CSGALNACT1: variants seen among roughly 807,000 people sequenced by gnomAD.
The protein encoded by CSGALNACT1 is beta4GalNAcT-1.
A neutral mutation model predicts 51.0 loss-of-function variants in CSGALNACT1; 52 were observed. That is an observed-to-expected ratio of 1.02 (90% CI 0.82 to 1.29). The LOEUF (loss-of-function observed/expected upper bound fraction) is 1.29, where lower values mean the gene tolerates loss of function less well. Ranked by LOEUF, CSGALNACT1 falls within the 50% of genes most tolerant of loss-of-function variation. The pLI is 0.00. For synonymous variants in CSGALNACT1, 341 were observed against 254.4 expected, an observed-to-expected ratio of 1.34 and a Z score of -3.24; for missense variants, 935 against 679.2, an observed-to-expected ratio of 1.38 and a Z score of -4.19.
At chr8:19,681,292 A>G (rs1331906251) in intron 1 of CSGALNACT1, among the ~76,000 whole-genome samples, 1 of 152,188 alleles carries the variant, frequency 6.6e-6, no homozygotes, top group Non-Finnish European at 1.5e-5. Flanking sequence ...AAAGGCAGGA[A>G]TTGGATATGT....
At chr8:19,416,555 G>A (rs1231268702) in intron 8 of CSGALNACT1, among the ~76,000 whole-genome samples, 1 of 152,138 alleles carries the variant, frequency 6.6e-6, no homozygotes, top group African/African-American at 2.4e-5. Flanking sequence ...TTCTAGTCCT[G>A]TATTACAAGC....
chr8:19,421,658 C>G (rs1316936829), intron 6 of CSGALNACT1, among the ~76,000 whole-genome samples: 1 of 152,210 alleles, frequency 6.6e-6, no homozygotes, highest in African/African-American at 2.4e-5. Flanking sequence ...TTCCAAGTAC[C>G]CGTCTCGGGT....
intron 3 of CSGALNACT1, among the ~76,000 whole-genome samples, chr8:19,542,533 C>T (rs987963108): frequency 1.4e-4 from 22 of 152,142 alleles, no homozygotes; most frequent in African/African-American, 5.3e-4. Flanking sequence ...TTTCAACCTC[C>T]CAGGTTCTGA....
chr8:19,553,612 T>C (rs1050340328), intron 3 of CSGALNACT1, among the ~76,000 whole-genome samples: 1 of 134,516 alleles, frequency 7.4e-6, no homozygotes, highest in Non-Finnish European at 1.5e-5. Flanking sequence ...CATTTATGTA[T>C]ATAAATACAT....
At chr8:19,657,948 T>TA (rs2058429545) in intron 1 of CSGALNACT1, among the ~76,000 whole-genome samples, 1 of 149,936 alleles carries the variant, frequency 6.7e-6, no homozygotes, top group African/African-American at 2.5e-5. Flanking sequence ...CTTGGTGGTC[T>TA]AACTAGCTGA....
At chr8:19,714,535 C>G (rs929102534) in intron 1 of CSGALNACT1, among the ~76,000 whole-genome samples, 1 of 152,102 alleles carries the variant, frequency 6.6e-6, no homozygotes, top group African/African-American at 2.4e-5. Context: ...AGCTCTGAGG[C>G]GTTTGGTTTT....
intron 2 of CSGALNACT1, among the ~76,000 whole-genome samples, chr8:19,601,009 C>CAT (rs1033272485): frequency 4.5e-4 from 69 of 151,926 alleles, no homozygotes; most frequent in Middle Eastern, 3.4e-3. Flanking sequence ...AGCTTGGAAC[C>CAT]ATATATACAG....
chr8:19,678,188 T>C (rs2060337187), intron 1 of CSGALNACT1, among the ~76,000 whole-genome samples: 1 of 152,216 alleles, frequency 6.6e-6, no homozygotes, highest in African/African-American at 2.4e-5. Flanking sequence ...TCTCAGGGAC[T>C]AATCCCAAGT....
chr8:19,487,340 C>G (rs1003821356), intron 4 of CSGALNACT1, among the ~76,000 whole-genome samples: 4 of 152,156 alleles, frequency 2.6e-5, no homozygotes, highest in African/African-American at 9.7e-5. Flanking sequence ...TCGTCTTTCT[C>G]TTACTGCTGT....
At chr8:19,498,890 G>A (rs778539487) in intron 4 of CSGALNACT1, among the ~76,000 whole-genome samples, 4 of 152,214 alleles carry the variant, frequency 2.6e-5, no homozygotes, top group Non-Finnish European at 2.9e-5. Flanking sequence ...AAGGTGGGAG[G>A]ATCACTTGAG....
intron 8 of CSGALNACT1, among the ~76,000 whole-genome samples, chr8:19,411,955 C>T (rs951325265): frequency 1.2e-4 from 18 of 152,036 alleles, no homozygotes; most frequent in Non-Finnish European, 2.4e-4. Flanking sequence ...CTCAGCCTCC[C>T]GAGTAGCTGG....
chr8:19,492,681 T>G (rs1288233816), intron 4 of CSGALNACT1, among the ~76,000 whole-genome samples: 1 of 152,220 alleles, frequency 6.6e-6, no homozygotes, highest in East Asian at 1.9e-4. Flanking sequence ...CTGGTCTTGC[T>G]GGTCCACGCC....
intron 3 of CSGALNACT1, among the ~76,000 whole-genome samples, chr8:19,576,169 T>C (rs914132829): frequency 1.3e-5 from 2 of 152,020 alleles, no homozygotes; most frequent in Admixed American, 6.6e-5. Context: ...GAGCAGTCAT[T>C]TCTTTGTTGC....
At chr8:19,549,502 T>C (rs534395055) in intron 3 of CSGALNACT1, among the ~76,000 whole-genome samples, 2 of 152,092 alleles carry the variant, frequency 1.3e-5, no homozygotes, top group Non-Finnish European at 2.9e-5. Flanking sequence ...TCTTTTGTTT[T>C]TTTCCTCAGG....
chr8:19,565,360 T>C (rs1005054354), intron 3 of CSGALNACT1, among the ~76,000 whole-genome samples: 2 of 152,186 alleles, frequency 1.3e-5, no homozygotes, highest in African/African-American at 4.8e-5. Context: ...CCAGGCAGTG[T>C]AGCAGGACTG....
At chr8:19,664,115 T>A (rs1275812417) in intron 1 of CSGALNACT1, among the ~76,000 whole-genome samples, 1 of 152,224 alleles carries the variant, frequency 6.6e-6, no homozygotes, top group Non-Finnish European at 1.5e-5. Context: ...AAAGAGTTTA[T>A]TTGCCATTAC....
chr8:19,489,770 A>C (rs1303339748), intron 4 of CSGALNACT1, among the ~76,000 whole-genome samples: 1 of 152,172 alleles, frequency 6.6e-6, no homozygotes, highest in Non-Finnish European at 1.5e-5. Context: ...CCTGTTAAAC[A>C]TAGCTGTGTG....
intron 1 of CSGALNACT1, among the ~76,000 whole-genome samples, chr8:19,634,788 G>A (rs185264996): frequency 1.5e-4 from 23 of 152,290 alleles, no homozygotes; most frequent in African/African-American, 4.6e-4. Flanking sequence ...AGTGGCGCAC[G>A]CCTTCATCTT....
At position 19,594,753 on chromosome 8, in the gene CSGALNACT1, T is replaced by C. The variant is rs531041132; in HGVS notation, c.-415-3475A>G. ...TTTTACTAGAGACAGGGTTTCACCA[T>C]GTCAGCCAGGCTGGTCTCGAACTCC... On this transcript the variant is annotated intron_variant, in intron 2 of 9. Transcript: ENST00000454498. Among the ~76,000 whole-genome samples the C allele has an allele frequency of 2.0e-5, 3 of 152,090 alleles. 1 individual carries two copies. The highest frequency in any genetic ancestry group is 4.4e-5 in the Non-Finnish European group (3 of 67,992).
Sources: gnomAD v4.1 joint callset for allele counts (sites outside exome capture counted in the v4.1 genomes callset) on GRCh38, gnomAD v4.1.1 for gene constraint, MANE v1.5 for transcripts, NCBI Gene and HGNC (gene_info 2026-07-23, HGNC 2026-07-21) for gene names.